ZNF385D: variants seen among roughly 807,000 people sequenced by gnomAD.
The protein encoded by ZNF385D is zinc finger protein 659.
In ZNF385D, 15 loss-of-function variants were observed where a neutral mutation model predicts 35.8. The ratio of observed to expected loss-of-function variants is 0.42; its 90% confidence interval spans 0.28 to 0.64. The LOEUF is 0.64. Among genes scored for constraint, ZNF385D ranks in the 30% least tolerant of loss-of-function variants. The probability of loss-of-function intolerance (pLI) is 0.23; values close to 1 mark genes in which losing one functional copy is unlikely to be tolerated. For synonymous variants in ZNF385D, 212 were observed against 186.8 expected, an observed-to-expected ratio of 1.13 and a Z score of -1.10; for missense variants, 474 against 494.6, an observed-to-expected ratio of 0.96 and a Z score of 0.39.
chr3:22,370,504 T>C (rs1471920727), intron 2 of ZNF385D, among the ~76,000 whole-genome samples: 1 of 152,180 alleles, frequency 6.6e-6, no homozygotes, highest in Non-Finnish European at 1.5e-5. Context: ...ATACCTGAAA[T>C]GGTTGGGTAT....
chr3:22,322,600 G>A (rs1227137559), intron 2 of ZNF385D, among the ~76,000 whole-genome samples: 2 of 151,896 alleles, frequency 1.3e-5, no homozygotes, highest in African/African-American at 4.8e-5. Context: ...TTCAGTTAAG[G>A]GATCTTTTAC....
At chr3:22,355,843 CAGT>C (rs566931274) in intron 2 of ZNF385D, among the ~76,000 whole-genome samples, 54 of 151,954 alleles carry the variant, frequency 3.6e-4, no homozygotes, top group African/African-American at 1.3e-3. Context: ...ACAAATTTAT[CAGT>C]AGAACATGTT....
At chr3:21,753,163 A>G (rs750562980), upstream of ZNF385D, among the ~76,000 whole-genome samples, 11 of 152,226 alleles carry the variant, frequency 7.2e-5, no homozygotes, top group Non-Finnish European at 1.3e-4. Context: ...ATTGAGATAT[A>G]GAAAGGTGGA....
intron 2 of ZNF385D, among the ~76,000 whole-genome samples, chr3:22,201,738 T>A (rs1428305471): frequency 6.6e-6 from 1 of 151,900 alleles, no homozygotes; most frequent in Non-Finnish European, 1.5e-5. Flanking sequence ...AATGCATACA[T>A]GCAGGAAGGC....
chr3:22,117,791 T>C (rs928870558), intron 3 of ZNF385D, among the ~76,000 whole-genome samples: 1 of 152,168 alleles, frequency 6.6e-6, no homozygotes, highest in South Asian at 2.1e-4. Context: ...AAGAAAAATA[T>C]TCACTTTTCT....
chr3:22,298,293 G>A (rs1475940003), intron 2 of ZNF385D, among the ~76,000 whole-genome samples: 3 of 151,268 alleles, frequency 2.0e-5, no homozygotes, highest in Non-Finnish European at 4.4e-5. Flanking sequence ...ACTGTACAAT[G>A]TTCCATTTAA....
At chr3:21,561,004 C>T (rs1309823808) in intron 3 of ZNF385D, among the ~76,000 whole-genome samples, 1 of 152,172 alleles carries the variant, frequency 6.6e-6, no homozygotes, top group Non-Finnish European at 1.5e-5. Flanking sequence ...CCCAACCAAG[C>T]TGGAGCATCC....
chr3:21,961,534 G>A (rs541864517), intron 3 of ZNF385D: 1 of 151,998 alleles, frequency 6.6e-6, no homozygotes, highest in Non-Finnish European at 1.5e-5. Flanking sequence ...AATTTCCTTA[G>A]AACAAACTAT....
intron 3 of ZNF385D, among the ~76,000 whole-genome samples, chr3:22,100,396 C>T (rs554126632): frequency 2.7e-4 from 40 of 147,970 alleles, no homozygotes; most frequent in Middle Eastern, 3.4e-3. Context: ...ATGTTTATTG[C>T]GGCAGTATTC....
rs202204732 is a variant in ZNF385D at position 22,010,108 on chromosome 3, GA to G, written c.325+158708del. Among the ~76,000 whole-genome samples, 118 of 149,906 alleles carry G rather than the reference GA, an allele frequency of 7.9e-4. 2 individuals are homozygous for G. The East Asian group carries it at 0.017, about 22-fold the overall frequency. On this transcript the variant is annotated intron_variant, in intron 3 of 5. Coordinates refer to the ZNF385D transcript ENST00000494108. ...TGACCTAAGTAGCCTATTAAAGGAA[GA>G]AAAAAAAATCTACAAGATTCCAAGA... is the stretch of plus-strand genomic sequence containing the variant.
chr3:21,507,305 G>A (rs907508420), intron 4 of ZNF385D, among the ~76,000 whole-genome samples: 1 of 151,924 alleles, frequency 6.6e-6, no homozygotes, highest in African/African-American at 2.4e-5. Flanking sequence ...ATTTACCAAA[G>A]TATGACATGT....
intron 1 of ZNF385D, among the ~76,000 whole-genome samples, chr3:21,735,849 T>A (rs898845412): frequency 1.3e-5 from 2 of 152,222 alleles, no homozygotes; most frequent in Non-Finnish European, 2.9e-5. Context: ...TGAGTATTGT[T>A]CATACTTTAG....
chr3:22,074,669 C>G (rs948132808), intron 3 of ZNF385D, among the ~76,000 whole-genome samples: 2 of 151,834 alleles, frequency 1.3e-5, no homozygotes, highest in Admixed American at 1.3e-4. Flanking sequence ...TTTTATGCTC[C>G]CATTCTCCAA....
intron 3 of ZNF385D, among the ~76,000 whole-genome samples, chr3:22,125,289 T>A (rs1420004408): frequency 6.6e-6 from 1 of 152,138 alleles, no homozygotes; most frequent in African/African-American, 2.4e-5. Flanking sequence ...TGTTTTTAAG[T>A]CAGTGGCATG....
At chr3:22,132,717 C>T (rs1703873521) in intron 3 of ZNF385D, among the ~76,000 whole-genome samples, 1 of 151,770 alleles carries the variant, frequency 6.6e-6, no homozygotes, top group African/African-American at 2.4e-5. Context: ...AGATCTAGTG[C>T]ATAAGAGATA....
At chr3:21,508,801 T>G (rs1706979058) in intron 4 of ZNF385D, among the ~76,000 whole-genome samples, 1 of 152,184 alleles carries the variant, frequency 6.6e-6, no homozygotes, top group African/African-American at 2.4e-5. Context: ...CTTTGGAATC[T>G]GTGTTTTCTG....
intron 3 of ZNF385D, among the ~76,000 whole-genome samples, chr3:22,128,521 T>G (rs71620693): frequency 0.16 from 25,044 of 152,070 alleles, 2,478 homozygotes; most frequent in African/African-American, 0.28. Flanking sequence ...ATGTTTGCAC[T>G]TTTTAGGCTA....
chr3:21,783,048 A>C (rs2071552310), intron 3 of ZNF385D, among the ~76,000 whole-genome samples: 1 of 152,272 alleles, frequency 6.6e-6, no homozygotes, highest in East Asian at 1.9e-4. Flanking sequence ...TTCTTGCTAG[A>C]TCTTCACGAT....
intron 3 of ZNF385D, among the ~76,000 whole-genome samples, chr3:22,122,003 C>A (rs972122271): frequency 6.6e-6 from 1 of 152,114 alleles, no homozygotes; most frequent in Non-Finnish European, 1.5e-5. Flanking sequence ...AGCTAACAAC[C>A]TGATCATTAC....
Sources: gnomAD v4.1 joint callset for allele counts (sites outside exome capture counted in the v4.1 genomes callset) on GRCh38, gnomAD v4.1.1 for gene constraint, MANE v1.5 for transcripts, NCBI Gene and HGNC (gene_info 2026-07-23, HGNC 2026-07-21) for gene names.